Variants in CCDC9 observed in about 807,000 individuals in gnomAD.
CCDC9 encodes the protein coiled-coil domain-containing protein 9.
CCDC9 carries 52 observed loss-of-function variants against 65.6 expected under a neutral mutation model. The observed-to-expected ratio is 0.79, with a 90% CI of 0.63 to 1.00. The LOEUF (loss-of-function observed/expected upper bound fraction) is 1.00, where lower values mean the gene tolerates loss of function less well. CCDC9 is among the 50% of genes least tolerant of loss of function. CCDC9 has a pLI of 0.00. For missense variants in CCDC9, 834 were observed against 757.2 expected (o/e 1.10, Z -1.19); for synonymous variants, 332 against 280.3 (o/e 1.18, Z -1.84).
At chr19:47,275,064 G>A (rs1436711975), downstream of CCDC9, 4 of 1,494,922 alleles carry the variant, frequency 2.7e-6, no homozygotes, top group African/African-American at 2.9e-5. Flanking sequence ...GCTGCTCGCC[G>A]TGTACTACGG....
chr19:47,275,514 G>A, downstream of CCDC9: 1 of 975,082 alleles, frequency 1.0e-6, no homozygotes, highest in South Asian at 1.8e-5. Context: ...TCAGCTCGGG[G>A]CCTTGCCTCT....
intron 8 of CCDC9, among the ~76,000 whole-genome samples, chr19:47,268,736 T>G (rs2059097789): frequency 1.3e-5 from 2 of 151,618 alleles, no homozygotes; most frequent in Admixed American, 1.3e-4. Flanking sequence ...GCTAACACGG[T>G]GAAACCCCGT....
At chr19:47,264,401 A>T (rs1197943548) in intron 5 of CCDC9, among the ~76,000 whole-genome samples, 1 of 152,248 alleles carries the variant, frequency 6.6e-6, no homozygotes, top group East Asian at 1.9e-4. Context: ...TGCAGCGTAC[A>T]GCGTGTTGTT....
intron 3 of CCDC9, among the ~76,000 whole-genome samples, chr19:47,259,404 C>T (rs1338583520): frequency 2.6e-5 from 4 of 152,020 alleles, no homozygotes; most frequent in Middle Eastern, 3.4e-3. Context: ...GTGGTGGGTG[C>T]GAGGAGGTGA....
In CCDC9 at chr19:47,260,705, C is replaced by G. The variant is rs374140233; in HGVS notation, c.328C>G (p.Arg110Gly). The change falls in exon 5 of 12, where the codon CGC becomes GGC. Residue 110 changes from arginine to glycine, a missense_variant. Transcript: ENST00000221922. ...CCGGGCCGGCATGGGCCGAGCATCG[C>G]GCAGCTGGGAGGGCAGCCCCGGGGA... ...GGRAGMGRAS[R>G]SWEGSPGEQP... is the part of the protein sequence containing the mutation. 6.3e-7 allele frequency: 1 copy of G among 1,575,220 alleles called. No individual in the cohort carries two copies. Among genetic ancestry groups the G allele is most frequent in the South Asian group, 1.2e-5 (1 of 85,174 alleles).
chr19:47,271,606 G>A lies in CCDC9; in HGVS notation c.1524G>A (p.Leu508=). 6.2e-7 allele frequency: 1 copy of A among 1,612,420 alleles called. No homozygotes were observed. The highest frequency in any genetic ancestry group is 8.5e-7 in the Non-Finnish European group (1 of 1,179,516). ...PVSDWGEEVE[L]NSPRTTHLAG... is the part of the protein sequence containing the mutation. ...CCGATTGGGGTGAAGAGGTGGAGCT[G>A]AATTCTCCCCGGACCACTCACCTGG... Residue 508 remains leucine, a synonymous_variant, in exon 12 of 12, where the codon CTG becomes CTA. Transcript: ENST00000221922.
downstream of CCDC9, chr19:47,273,500 C>T (rs911475462): frequency 1.4e-4 from 82 of 576,652 alleles, no homozygotes; most frequent in Non-Finnish European, 2.0e-4. Context: ...TCTGCACTAA[C>T]CTCCCACCGC....
At position 47,260,728 on chromosome 19, in the gene CCDC9, G is replaced by A. The variant is rs761485205; in HGVS notation, c.351G>A (p.Gly117=). ...CGCGCAGCTGGGAGGGCAGCCCCGG[G>A]GAGCAGCCTCGAGGAGGAGGAGCTG... ...RASRSWEGSP[G]EQPRGGGAGG... The change falls in exon 5 of 12, where the codon GGG becomes GGA. Residue 117 remains glycine (G), a synonymous_variant. Coordinates refer to ENST00000221922, the MANE Select transcript of CCDC9 (RefSeq NM_015603.3). 4.4e-6 allele frequency: 7 copies of A among 1,596,272 alleles called. No individual in the cohort carries two copies. The highest frequency in any genetic ancestry group is 3.6e-5 in the Admixed American group (2 of 55,986).
intron 1 of CCDC9, 110 bp downstream of exon 1, chr19:47,256,719 G>A (rs1357022489): frequency 1.3e-5 from 2 of 150,754 alleles, no homozygotes; most frequent in South Asian, 2.1e-4. Context: ...TCTGCGGGGG[G>A]CGGGGACAGG....
Position 47,260,624 on chromosome 19 carries a change from A to AC in CCDC9, c.251dup (p.Arg85SerfsTer66). The stretch of plus-strand genomic sequence containing the variant: ...GGGTCCTTCCCGGAGGTCTCCTGGG[A>AC]CCCCTCGGCCCCCAGGGGCCAGCAA... On this transcript the variant is annotated frameshift_variant, in exon 5 of 12. Coordinates refer to ENST00000221922, the MANE Select transcript of CCDC9 (RefSeq NM_015603.3). LOFTEE classifies it high-confidence loss of function. 1 of 1,523,488 alleles carries AC rather than the reference A, an allele frequency of 6.6e-7. No individual in the cohort carries two copies. The highest frequency in any genetic ancestry group is 8.7e-7 in the Non-Finnish European group (1 of 1,145,028). The allele number at this position is 1,523,488 out of a possible 1,614,324, so 94.4% of individuals were successfully genotyped here.
At chr19:47,275,011 C>G (rs1313754249), downstream of CCDC9, 1 of 1,479,440 alleles carries the variant, frequency 6.8e-7, no homozygotes, top group East Asian at 3.0e-5. Flanking sequence ...CTGCGCTTGG[C>G]TCCGGTATGC....
intron 5 of CCDC9, among the ~76,000 whole-genome samples, chr19:47,262,166 G>T (rs2059050198): frequency 6.6e-6 from 1 of 151,568 alleles, no homozygotes. Context: ...GGTCCAGGGG[G>T]TGAGGCCCTG....
intron 1 of CCDC9, among the ~76,000 whole-genome samples, chr19:47,257,252 A>G (rs867101695): frequency 7.2e-6 from 1 of 139,028 alleles, no homozygotes; most frequent in Admixed American, 7.3e-5. Flanking sequence ...GAGGTTGGCC[A>G]GGCCAATCGG....
chr19:47,271,818 C>T lies in CCDC9; in HGVS notation c.*140C>T, dbSNP rs919550490. 5 of 1,436,038 alleles carry T rather than the reference C, an allele frequency of 3.5e-6. No individual in the cohort carries two copies. The African/African-American group carries it at 7.1e-5, about 21-fold the overall frequency. The allele number at this position is 1,436,038 out of a possible 1,614,324, so 89.0% of individuals were successfully genotyped here. A position where few individuals can be genotyped will look rare whatever the true frequency, so the allele number is the denominator to read the frequency against. ...GCTGGGCCCTGGGACCCAGTGTGCC[C>T]CACAGCCCTGTCAGCTGAGGGGGTA... On this transcript the variant is annotated 3_prime_UTR_variant, in exon 12 of 12. Coordinates refer to ENST00000221922, the MANE Select transcript of CCDC9 (RefSeq NM_015603.3).
chr19:47,272,978 G>C (rs1395457043), downstream of CCDC9, among the ~76,000 whole-genome samples: 1 of 151,606 alleles, frequency 6.6e-6, no homozygotes. Flanking sequence ...GCGAAGGAAA[G>C]GGGAGGGCGG....
chr19:47,260,592 A>G lies in CCDC9; in HGVS notation c.215A>G (p.Lys72Arg). The change falls in exon 5 of 12, where the codon AAG becomes AGG. Residue 72 changes from lysine (K) to arginine (R), a missense_variant. Physicochemically the swap from Lys to Arg is conservative, Grantham distance 26. Coordinates refer to ENST00000221922, the MANE Select transcript of CCDC9 (RefSeq NM_015603.3). ...TCCCCATCTCCCCTCTTCCAGGAGA[A>G]GAACCTGGGTCCTTCCCGGAGGTCT... ...EKENVAVESE[K>R]NLGPSRRSPG... is the part of the protein sequence containing the mutation. 1 of 1,530,204 alleles carries G rather than the reference A, an allele frequency of 6.5e-7. No individual in the cohort carries two copies. Among genetic ancestry groups the G allele is most frequent in the Non-Finnish European group, 8.7e-7 (1 of 1,146,788 alleles). 94.8% of individuals were successfully genotyped at this position (1,530,204 alleles called of 1,614,324 possible). A position where few individuals can be genotyped will look rare whatever the true frequency, so the allele number is the denominator to read the frequency against.
In CCDC9 at chr19:47,258,549, CCGGT is replaced by C. The variant is rs750171411; in HGVS notation, c.4-8_4-5del. ...TTTCCTTCCATCCCTCAACTGCCTC[CCGGT>C]CTCAGGCAGCCACACTCGATTTGAA... is the stretch of plus-strand genomic sequence containing the variant. On this transcript the variant is annotated splice_region_variant and splice_polypyrimidine_tract_variant and intron_variant, in intron 2 of 11. Coordinates refer to ENST00000221922, the MANE Select transcript of CCDC9 (RefSeq NM_015603.3). The C allele has an allele frequency of 6.2e-7, 1 of 1,612,504 alleles. No homozygotes were observed. Among genetic ancestry groups the C allele is most frequent in the Non-Finnish European group, 8.5e-7 (1 of 1,178,604 alleles).
In CCDC9 at chr19:47,260,323, G is replaced by C; in HGVS notation, c.111G>C (p.Glu37Asp). The change falls in exon 4 of 12, where the codon GAG becomes GAC. Residue 37 changes from glutamate to aspartate, a missense_variant and splice_region_variant. Glu to Asp is a conservative substitution (Grantham distance 45). Transcript: ENST00000221922. ...CTACCCCGGCTGTCTGCTCCTAGGA[G>C]ATTGAGGAAGACCGTAAGAAAGCTG... Reference protein sequence around the residue: ...KNEALIRRYQEIEEDRKKAEL... With the variant: ...KNEALIRRYQDIEEDRKKAEL... 6.3e-7 allele frequency: 1 copy of C among 1,583,594 alleles called. No homozygotes were observed. Among genetic ancestry groups the C allele is most frequent in the Non-Finnish European group, 8.6e-7 (1 of 1,164,288 alleles).
downstream of CCDC9, chr19:47,273,349 C>G (rs1568643982): frequency 8.1e-7 from 1 of 1,231,432 alleles, no homozygotes; most frequent in Non-Finnish European, 1.0e-6. Context: ...AGCCCCTTCT[C>G]TCCTCAGAGG....
Sources: allele counts gnomAD v4.1 joint callset (sites outside exome capture counted in the v4.1 genomes callset), GRCh38; gene constraint gnomAD v4.1.1; transcripts MANE v1.5; gene names NCBI Gene and HGNC (gene_info 2026-07-23, HGNC 2026-07-21).